Variants in UBR2 observed in about 807,000 individuals in gnomAD.
UBR2 encodes E3 ubiquitin-protein ligase UBR2.
Under a neutral mutation model 247.9 loss-of-function variants are expected in UBR2, and 92 were observed. That is an observed-to-expected ratio of 0.37 (90% CI 0.31 to 0.44). The LOEUF (loss-of-function observed/expected upper bound fraction) is 0.44. Among genes scored for constraint, UBR2 ranks in the 20% least tolerant of loss-of-function variants. UBR2 has a pLI of 1.00. For missense variants in UBR2, 1,613 were observed against 2,112.6 expected, an observed-to-expected ratio of 0.76 and a Z score of 4.64; for synonymous variants, 672 against 693.5, an observed-to-expected ratio of 0.97 and a Z score of 0.49.
In UBR2 at chr6:42,641,716, AG is replaced by A. The variant is rs756440267; in HGVS notation, c.2031+25del. 8.2e-5 allele frequency: 130 copies of A among 1,584,432 alleles called. 4 individuals are homozygous for A. The South Asian group carries it at 1.4e-3, about 17-fold the overall frequency. On this transcript the variant is annotated intron_variant, in intron 17 of 46. Coordinates refer to ENST00000372901, the MANE Select transcript of UBR2 (RefSeq NM_001363705.2). ...AGGTAAGTGTTTTCTAATTCTATGA[AG>A]AGTTTTCATTCCATTCTTGGCTTCT... is the stretch of plus-strand genomic sequence containing the variant.
At chr6:42,686,514 T>G (rs915018299) in intron 44 of UBR2, among the ~76,000 whole-genome samples, 48 of 152,304 alleles carry the variant, frequency 3.2e-4, no homozygotes, top group African/African-American at 1.1e-3. Context: ...GATCTCTCTT[T>G]CTTTTCCCCA....
intron 44 of UBR2, among the ~76,000 whole-genome samples, 182 bp downstream of exon 44, chr6:42,685,053 C>T (rs547054962): frequency 2.0e-5 from 3 of 152,268 alleles, no homozygotes; most frequent in East Asian, 3.9e-4. Flanking sequence ...GTGGCTCACG[C>T]CTGTAATCCC....
At chr6:42,616,383 T>C (rs1455456689) in intron 10 of UBR2, among the ~76,000 whole-genome samples, 1 of 152,052 alleles carries the variant, frequency 6.6e-6, no homozygotes, top group African/African-American at 2.4e-5. Context: ...TTTTTTCTAT[T>C]AAAATTCATA....
chr6:42,673,770 A>T (rs1024290492), intron 36 of UBR2, 21 bp from the exon 37 acceptor site: 2 of 1,593,650 alleles, frequency 1.3e-6, no homozygotes, highest in Admixed American at 1.7e-5. Flanking sequence ...GTTTTTTGTT[A>T]ATTGCGTTGG....
intron 15 of UBR2, among the ~76,000 whole-genome samples, chr6:42,637,782 G>A (rs1197270331): frequency 6.6e-6 from 1 of 152,176 alleles, no homozygotes; most frequent in Non-Finnish European, 1.5e-5. Flanking sequence ...AATGTCTGAA[G>A]CTGCCATCTT....
intron 11 of UBR2, among the ~76,000 whole-genome samples, chr6:42,629,346 G>A (rs1795553670): frequency 6.6e-6 from 1 of 151,270 alleles, no homozygotes; most frequent in Non-Finnish European, 1.5e-5. Flanking sequence ...AAAGCAAAGT[G>A]AATTGTAGGC....
Position 42,679,721 on chromosome 6 carries a change from C to T in UBR2, c.4610-3C>T. On this transcript the variant is annotated splice_region_variant and splice_polypyrimidine_tract_variant and intron_variant, in intron 41 of 46. Coordinates refer to ENST00000372901, the MANE Select transcript of UBR2 (RefSeq NM_001363705.2). ...GCACTCTTTTCTTGTTCTTCATTTG[C>T]AGTTCCTGGAACAAGCCATTTTGAA... 3.1e-6 allele frequency: 5 copies of T among 1,603,874 alleles called. No individual in the cohort carries two copies. In the South Asian group the frequency reaches 4.4e-5, roughly 14 times the overall value.
At chr6:42,642,511 GT>G (rs1350085615) in intron 18 of UBR2, 30 bp downstream of exon 18, 1 of 1,555,778 alleles carries the variant, frequency 6.4e-7, no homozygotes, top group Admixed American at 1.7e-5. Context: ...GAACTTAAAG[GT>G]TGTGGGGAAT....
At chr6:42,599,288 G>A (rs1205808630) in intron 4 of UBR2, among the ~76,000 whole-genome samples, 4 of 152,148 alleles carry the variant, frequency 2.6e-5, no homozygotes, top group African/African-American at 9.7e-5. Context: ...TCATAAGATA[G>A]ATAATGCTGT....
chr6:42,612,247 GT>G lies in UBR2; in HGVS notation c.944del (p.Leu315Ter). The G allele has an allele frequency of 6.5e-7, 1 of 1,542,472 alleles. No individual in the cohort carries two copies. Among genetic ancestry groups the G allele is most frequent in the Non-Finnish European group, 8.9e-7 (1 of 1,129,448 alleles). On this transcript the variant is annotated frameshift_variant, in exon 8 of 47. Coordinates refer to ENST00000372901, the MANE Select transcript of UBR2 (RefSeq NM_001363705.2). LOFTEE classifies it high-confidence loss of function. ...HSSIVAHQNF[G>X]LKLLSWLGSI... is the part of the protein sequence containing the mutation. The stretch of plus-strand genomic sequence containing the variant: ...TCTATTGTCGCACATCAGAATTTTG[GT>G]TTGAAACTTTTGTCTTGGCTGGGAA...
chr6:42,646,334 T>G (rs1796750077), intron 21 of UBR2, among the ~76,000 whole-genome samples: 1 of 152,198 alleles, frequency 6.6e-6, no homozygotes. Flanking sequence ...AGTAATACTT[T>G]TAAACTTTGT....
intron 4 of UBR2, among the ~76,000 whole-genome samples, chr6:42,602,688 T>G (rs1444857432): frequency 6.7e-6 from 1 of 148,900 alleles, no homozygotes; most frequent in Non-Finnish European, 1.5e-5. Flanking sequence ...TTATAAAATG[T>G]AATTATATAT....
chr6:42,573,790 T>C lies in UBR2; in HGVS notation c.135T>C (p.Tyr45=), dbSNP rs1170283126. 1.1e-5 allele frequency: 17 copies of C among 1,612,326 alleles called. No homozygotes were observed. Among genetic ancestry groups the C allele is most frequent in the East Asian group, 2.2e-5 (1 of 44,752 alleles). ...TREVYQHLAH[Y]VPKIYCRGPN... The stretch of plus-strand genomic sequence containing the variant: ...AAGTGTACCAGCATTTAGCCCACTA[T>C]GTACCCAAAATCTACTGCAGGGGTC... Residue 45 remains tyrosine, a synonymous_variant, in exon 2 of 47, where the codon TAT becomes TAC. Coordinates refer to ENST00000372901, the MANE Select transcript of UBR2 (RefSeq NM_001363705.2).
intron 1 of UBR2, 102 bp from the exon 2 acceptor site, chr6:42,573,632 T>G: frequency 1.6e-6 from 2 of 1,282,480 alleles, no homozygotes; most frequent in Non-Finnish European, 2.0e-6. Context: ...TATTTTAATA[T>G]GCTTTTGTCA....
chr6:42,606,364 A>G (rs528390136), intron 6 of UBR2, among the ~76,000 whole-genome samples: 1 of 152,354 alleles, frequency 6.6e-6, no homozygotes, highest in East Asian at 1.9e-4. Context: ...ATAGATGCCT[A>G]AAATAATAAA....
At chr6:42,634,448 T>C (rs1308481207) in intron 13 of UBR2, among the ~76,000 whole-genome samples, 1 of 152,232 alleles carries the variant, frequency 6.6e-6, no homozygotes, top group Non-Finnish European at 1.5e-5. Flanking sequence ...TGTTTGAATT[T>C]ATTTTTATTT....
Position 42,659,540 on chromosome 6 carries a change from CACACACACACACACACACACACT to C in UBR2, c.3243-100_3243-78del, listed in dbSNP as rs1336457046. Reference sequence around the variant, plus strand: ...ATATATACACACACACACACACACACACACACACACACACACACACACTACACACACACACACATACCTGTAGT... The same window carrying C: ...ATATATACACACACACACACACACACACACACACACACACATACCTGTAGT... On this transcript the variant is annotated intron_variant, in intron 29 of 46. Transcript: ENST00000372901. The surrounding 1 kb of genome is among the most constrained non-coding windows in gnomAD (Gnocchi z 4.3). 8.6e-5 allele frequency: 59 copies of C among 685,310 alleles called. No homozygotes were observed. Among genetic ancestry groups the C allele is most frequent in the Non-Finnish European group, 1.2e-4 (48 of 414,308 alleles). The allele number at this position is 685,310 out of a possible 1,614,324, so 42.5% of individuals were successfully genotyped here.
intron 7 of UBR2, among the ~76,000 whole-genome samples, chr6:42,607,498 G>T (rs905406531): frequency 4.6e-5 from 7 of 151,324 alleles, no homozygotes; most frequent in Admixed American, 4.6e-4. Flanking sequence ...TAATATGGAG[G>T]CCCCTGTATT....
chr6:42,590,638 C>T (rs1304110884), intron 2 of UBR2, among the ~76,000 whole-genome samples: 1 of 152,100 alleles, frequency 6.6e-6, no homozygotes, highest in Non-Finnish European at 1.5e-5. Flanking sequence ...AAAAAATATC[C>T]ATAATGAACA....
Sources: allele counts gnomAD v4.1 joint callset (sites outside exome capture counted in the v4.1 genomes callset), GRCh38; gene constraint gnomAD v4.1.1; non-coding constraint Gnocchi (gnomAD v3.1); transcripts MANE v1.5; gene names NCBI Gene and HGNC (gene_info 2026-07-23, HGNC 2026-07-21).